Variants in TRPM3 observed in about 807,000 individuals in gnomAD.
TRPM3 encodes the protein long transient receptor potential channel 3.
In TRPM3, 77 loss-of-function variants were observed where a neutral mutation model predicts 181.2. The ratio of observed to expected loss-of-function variants is 0.42; its 90% CI spans 0.35 to 0.51. The LOEUF (loss-of-function observed/expected upper bound fraction) is 0.51, where lower values mean the gene tolerates loss of function less well. Among genes scored for constraint, TRPM3 ranks in the 20% least tolerant of loss-of-function variants. The probability of loss-of-function intolerance (pLI) is 0.01; values close to 1 mark genes in which losing one functional copy is unlikely to be tolerated. For missense variants in TRPM3, 1,759 were observed against 2,196.7 expected (o/e 0.80, Z 3.98); for synonymous variants, 745 against 796.4 (o/e 0.94, Z 1.09).
intron 11 of TRPM3, among the ~76,000 whole-genome samples, chr9:70,638,163 A>G (rs1183821971): frequency 6.6e-6 from 1 of 152,112 alleles, no homozygotes; most frequent in Non-Finnish European, 1.5e-5. Context: ...CCTTGTGAGG[A>G]CACAGCATTT....
At chr9:71,191,155 T>C (rs1200208205) in intron 1 of TRPM3, among the ~76,000 whole-genome samples, 1 of 151,818 alleles carries the variant, frequency 6.6e-6, no homozygotes, top group Non-Finnish European at 1.5e-5. Context: ...AGCCAGAATT[T>C]GAATACTGAT....
At chr9:71,268,212 C>CGTTT in intron 1 of TRPM3, among the ~76,000 whole-genome samples, 1 of 151,808 alleles carries the variant, frequency 6.6e-6, no homozygotes, top group South Asian at 2.1e-4. Flanking sequence ...GAAACAATGC[C>CGTTT]CTACTAAAAA....
intron 1 of TRPM3, among the ~76,000 whole-genome samples, chr9:71,078,453 GAATT>G (rs1325790068): frequency 2.0e-5 from 3 of 152,114 alleles, no homozygotes; most frequent in African/African-American, 7.2e-5. Flanking sequence ...AAAGCATTTG[GAATT>G]AATTATTGGT....
chr9:70,919,936 A>G (rs933453307), intron 1 of TRPM3, among the ~76,000 whole-genome samples: 1 of 152,168 alleles, frequency 6.6e-6, no homozygotes, highest in Non-Finnish European at 1.5e-5. Context: ...CCATCAATCA[A>G]TGCAGATATT....
At chr9:70,973,794 A>G (rs12350277) in intron 1 of TRPM3, among the ~76,000 whole-genome samples, 43,977 of 152,124 alleles carry the variant, frequency 0.29, 6,390 homozygotes, top group East Asian at 0.37. Context: ...ACTAAAAATT[A>G]TAACAAAGAT....
At chr9:71,228,299 C>T (rs1437074631) in intron 1 of TRPM3, among the ~76,000 whole-genome samples, 1 of 151,888 alleles carries the variant, frequency 6.6e-6, no homozygotes, top group African/African-American at 2.4e-5. Context: ...TGATAAAACT[C>T]CAAAAATGGG....
At chr9:71,142,402 G>C (rs2075158562) in intron 1 of TRPM3, among the ~76,000 whole-genome samples, 1 of 152,078 alleles carries the variant, frequency 6.6e-6, no homozygotes, top group Non-Finnish European at 1.5e-5. Context: ...AAGGAAAGTA[G>C]GGAATTGAGA....
At chr9:71,151,147 A>C (rs541315434) in intron 1 of TRPM3, among the ~76,000 whole-genome samples, 1 of 152,226 alleles carries the variant, frequency 6.6e-6, no homozygotes, top group East Asian at 1.9e-4. Context: ...TGAAATATTC[A>C]TAAGTTGAAT....
intron 1 of TRPM3, among the ~76,000 whole-genome samples, chr9:71,148,168 T>A (rs929741502): frequency 6.6e-6 from 1 of 152,128 alleles, no homozygotes; most frequent in Non-Finnish European, 1.5e-5. Context: ...AGCAAAACTA[T>A]GTACCTTAGT....
chr9:70,786,375 C>G (rs1156243771), intron 6 of TRPM3, among the ~76,000 whole-genome samples: 1 of 147,932 alleles, frequency 6.8e-6, no homozygotes, highest in Non-Finnish European at 1.5e-5. Flanking sequence ...ATCCCAGCTA[C>G]TTGGGAGGCT....
chr9:71,223,695 G>A (rs377389500), intron 1 of TRPM3, among the ~76,000 whole-genome samples: 1 of 152,162 alleles, frequency 6.6e-6, no homozygotes, highest in African/African-American at 2.4e-5. Flanking sequence ...GTGAGTCCCT[G>A]CCCTGGCAGC....
At position 70,752,057 on chromosome 9, in the gene TRPM3, C is replaced by T. The variant is rs796249635; in HGVS notation, c.1272+9544G>A. Among the ~76,000 whole-genome samples the T allele has an allele frequency of 4.2e-3, 480 of 114,256 alleles. 2 individuals are homozygous for T. The highest frequency in any genetic ancestry group is 0.014 in the South Asian group (52 of 3,832). 75.0% of individuals were successfully genotyped at this position (114,256 alleles called of 152,430 possible). On this transcript the variant is annotated intron_variant, in intron 8 of 25. Transcript: ENST00000677713. ...GTGTGTGTGTGTGTGTGTGCGCGCG[C>T]GCGCGCATACACATGTACATGCAAC...
At chr9:70,835,015 G>A (rs566255633) in intron 5 of TRPM3, among the ~76,000 whole-genome samples, 3 of 152,234 alleles carry the variant, frequency 2.0e-5, no homozygotes, top group South Asian at 2.1e-4. Flanking sequence ...CCCTCCCCAC[G>A]GTAATTAGGG....
chr9:70,862,022 G>A (rs2095534363), intron 3 of TRPM3, among the ~76,000 whole-genome samples: 1 of 151,988 alleles, frequency 6.6e-6, no homozygotes, highest in South Asian at 2.1e-4. Flanking sequence ...TTATTGCACA[G>A]TTTTAGACTG....
At chr9:70,621,694 G>C (rs1490243747) in intron 14 of TRPM3, among the ~76,000 whole-genome samples, 2 of 152,094 alleles carry the variant, frequency 1.3e-5, no homozygotes, top group Non-Finnish European at 2.9e-5. Flanking sequence ...TTTTAAACAG[G>C]TAATAGAAGA....
Position 70,584,752 on chromosome 9 carries a change from C to T in TRPM3, c.3223+6279G>A, listed in dbSNP as rs2056749839. ...CTCTGGGGTTTTCACCAACTTTATA[C>T]CTTTCTTTTCCCTTCATCTTACACC... On this transcript the variant is annotated intron_variant, in intron 22 of 25. Coordinates refer to ENST00000677713, the MANE Select transcript of TRPM3 (RefSeq NM_001366145.2). Among the ~76,000 whole-genome samples the T allele has an allele frequency of 2.0e-5, 3 of 152,280 alleles. No individual in the cohort carries two copies. In the South Asian group the frequency reaches 6.2e-4, roughly 32 times the overall value.
intron 1 of TRPM3, among the ~76,000 whole-genome samples, chr9:70,959,898 G>T (rs2097120359): frequency 6.6e-6 from 1 of 152,132 alleles, no homozygotes; most frequent in Non-Finnish European, 1.5e-5. Context: ...GCAGGCAGTA[G>T]GGTAGAGCTA....
Position 70,979,774 on chromosome 9 carries a change from A to G in TRPM3, c.178-115263T>C, listed in dbSNP as rs779936489. ...ATTTTCTCACAGTTCTGGAGGCTGA[A>G]AAGTCCAAGATCGAAGTTCTGGTAG... is the stretch of plus-strand genomic sequence containing the variant. On this transcript the variant is annotated intron_variant, in intron 1 of 25. Transcript: ENST00000677713. Among the ~76,000 whole-genome samples, 42 of 152,224 alleles carry G rather than the reference A, an allele frequency of 2.8e-4. 1 individual carries two copies. Among genetic ancestry groups the G allele is most frequent in the Middle Eastern group, 3.4e-3 (1 of 294 alleles).
At chr9:70,991,257 T>C (rs1264414797) in intron 1 of TRPM3, among the ~76,000 whole-genome samples, 3 of 152,188 alleles carry the variant, frequency 2.0e-5, no homozygotes, top group African/African-American at 4.8e-5. Context: ...ATTATTGAAA[T>C]TTATTGTTTA....
Sources: gnomAD v4.1 joint callset for allele counts (sites outside exome capture counted in the v4.1 genomes callset) on GRCh38, gnomAD v4.1.1 for gene constraint, MANE v1.5 for transcripts, NCBI Gene and HGNC (gene_info 2026-07-23, HGNC 2026-07-21) for gene names.